Variants in SPAG16 observed in about 807,000 individuals in gnomAD.
The protein encoded by SPAG16 is sperm-associated antigen 16 protein.
Under a neutral mutation model 80.4 loss-of-function variants are expected in SPAG16, and 86 were observed. The observed-to-expected ratio is 1.07, with a 90% CI of 0.90 to 1.28. SPAG16 has a LOEUF of 1.28. Ranked by LOEUF, SPAG16 falls within the 50% of genes most tolerant of loss-of-function variation. SPAG16 has a pLI of 0.00. For missense variants in SPAG16, 870 were observed against 765.3 expected, an observed-to-expected ratio of 1.14 and a Z score of -1.61; for synonymous variants, 294 against 265.9, an observed-to-expected ratio of 1.11 and a Z score of -1.03.
chr2:214,083,963 C>A (rs374540568), intron 13 of SPAG16, among the ~76,000 whole-genome samples: 1 of 152,130 alleles, frequency 6.6e-6, no homozygotes. Flanking sequence ...GCAATTCCTA[C>A]CTTTTCTATT....
chr2:214,235,238 A>G (rs1197857874), intron 15 of SPAG16, among the ~76,000 whole-genome samples: 1 of 152,134 alleles, frequency 6.6e-6, no homozygotes. Flanking sequence ...AAATTTATAC[A>G]CCTGAAATAA....
intron 13 of SPAG16, among the ~76,000 whole-genome samples, chr2:214,103,079 G>T (rs1203579319): frequency 5.9e-5 from 9 of 152,032 alleles, no homozygotes; most frequent in Non-Finnish European, 1.2e-4. Flanking sequence ...CCCATCTGAG[G>T]TTTTTTCCTT....
intron 10 of SPAG16, among the ~76,000 whole-genome samples, chr2:213,502,296 T>A (rs148094386): frequency 4.8e-4 from 73 of 152,146 alleles, no homozygotes; most frequent in Middle Eastern, 3.4e-3. Context: ...AAAAAATTTT[T>A]TTTTTCTGTA....
intron 11 of SPAG16, among the ~76,000 whole-genome samples, chr2:213,888,316 G>T (rs998365840): frequency 6.6e-6 from 1 of 151,670 alleles, no homozygotes. Context: ...ATAAGTTAGA[G>T]CATTCAGAGA....
At chr2:214,008,988 G>A (rs995860509) in intron 12 of SPAG16, among the ~76,000 whole-genome samples, 2 of 152,128 alleles carry the variant, frequency 1.3e-5, no homozygotes, top group African/African-American at 4.8e-5. Flanking sequence ...ATCTCCAAGT[G>A]AGAGTCTGAG....
At chr2:214,075,889 A>T (rs2051050631) in intron 13 of SPAG16, among the ~76,000 whole-genome samples, 1 of 152,184 alleles carries the variant, frequency 6.6e-6, no homozygotes, top group Admixed American at 6.5e-5. Context: ...ACTTTTTTAT[A>T]GTAATTGTTA....
chr2:213,307,544 T>G (rs1312230311), intron 3 of SPAG16, among the ~76,000 whole-genome samples: 8 of 143,428 alleles, frequency 5.6e-5, no homozygotes, highest in Non-Finnish European at 1.1e-4. Flanking sequence ...CTCATCATTT[T>G]TTATGGCTGC....
intron 5 of SPAG16, among the ~76,000 whole-genome samples, chr2:213,324,919 C>T (rs926251964): frequency 3.3e-5 from 5 of 152,026 alleles, no homozygotes; most frequent in Non-Finnish European, 5.9e-5. Context: ...TTAGTCTTTT[C>T]AGTTGTAGCC....
chr2:213,542,219 A>G (rs980120391), intron 10 of SPAG16, among the ~76,000 whole-genome samples: 1 of 152,194 alleles, frequency 6.6e-6, no homozygotes, highest in Non-Finnish European at 1.5e-5. Context: ...GTTAGTGCAT[A>G]TTAAATTCTT....
intron 10 of SPAG16, among the ~76,000 whole-genome samples, chr2:213,800,227 A>G (rs776204224): frequency 5.9e-5 from 9 of 152,060 alleles, no homozygotes; most frequent in Non-Finnish European, 1.3e-4. Context: ...TTTTATACTC[A>G]TTAAATGTTG....
At chr2:213,397,025 C>T (rs1288246945) in intron 9 of SPAG16, among the ~76,000 whole-genome samples, 4 of 152,194 alleles carry the variant, frequency 2.6e-5, no homozygotes, top group Non-Finnish European at 5.9e-5. Flanking sequence ...CCTTCACCTT[C>T]TGTGCTAATG....
intron 15 of SPAG16, among the ~76,000 whole-genome samples, chr2:214,292,965 G>A (rs1693904066): frequency 6.6e-6 from 1 of 152,190 alleles, no homozygotes; most frequent in African/African-American, 2.4e-5. Context: ...TTAGAACACA[G>A]TTATTAGTGA....
chr2:214,150,792 C>T (rs1014194005), intron 15 of SPAG16, among the ~76,000 whole-genome samples: 12 of 151,438 alleles, frequency 7.9e-5, no homozygotes, highest in African/African-American at 2.4e-4. Flanking sequence ...CTTTGCCATC[C>T]TTGTCATCCA....
At chr2:213,424,377 T>A (rs1160302227) in intron 9 of SPAG16, among the ~76,000 whole-genome samples, 1 of 152,176 alleles carries the variant, frequency 6.6e-6, no homozygotes, top group Admixed American at 6.5e-5. Flanking sequence ...GAATATATAT[T>A]TAATCACATT....
intron 11 of SPAG16, among the ~76,000 whole-genome samples, chr2:213,883,936 G>A (rs2076452813): frequency 6.6e-6 from 1 of 152,148 alleles, no homozygotes; most frequent in Non-Finnish European, 1.5e-5. Context: ...GACAGCAGAT[G>A]GTTGGGTCTT....
At chr2:214,100,477 C>T (rs2052932116) in intron 13 of SPAG16, among the ~76,000 whole-genome samples, 1 of 151,990 alleles carries the variant, frequency 6.6e-6, no homozygotes, top group Non-Finnish European at 1.5e-5. Context: ...ATTATTTCAT[C>T]ACCCATGTAA....
At position 213,930,056 on chromosome 2, in the gene SPAG16, C is replaced by T. The variant is rs773524212; in HGVS notation, c.1311C>T (p.Arg437=). Residue 437 remains arginine (R), a synonymous_variant, in exon 12 of 16, where the codon CGC becomes CGT. Transcript: ENST00000331683. ...DCILTFEGHS[R]AVWSCTWHSC... Reference sequence around the variant, plus strand: ...TTTTGACCTTTGAAGGACACAGCCGCGCAGTGTGGTCCTGCACATGGCACT... The same window carrying T: ...TTTTGACCTTTGAAGGACACAGCCGTGCAGTGTGGTCCTGCACATGGCACT... The T allele has an allele frequency of 4.3e-6, 7 of 1,614,018 alleles. No individual in the cohort carries two copies. Among genetic ancestry groups the T allele is most frequent in the African/African-American group, 2.7e-5 (2 of 75,014 alleles).
At chr2:214,013,135 G>T (rs936382977) in intron 12 of SPAG16, among the ~76,000 whole-genome samples, 17 of 151,216 alleles carry the variant, frequency 1.1e-4, no homozygotes, top group African/African-American at 3.2e-4. Context: ...ATCATCAATT[G>T]GCATAGAATG....
chr2:213,834,041 G>A (rs1261391490), intron 10 of SPAG16, among the ~76,000 whole-genome samples: 1 of 152,012 alleles, frequency 6.6e-6, no homozygotes, highest in Non-Finnish European at 1.5e-5. Flanking sequence ...CTATTCTTGT[G>A]GTAGTGAATA....
Sources: allele counts gnomAD v4.1 joint callset (sites outside exome capture counted in the v4.1 genomes callset), GRCh38; gene constraint gnomAD v4.1.1; transcripts MANE v1.5; gene names NCBI Gene and HGNC (gene_info 2026-07-23, HGNC 2026-07-21).